The following SYNPO2 variants were observed in gnomAD, a reference collection of about 807,000 sequenced individuals.
The protein encoded by SYNPO2 is synaptopodin 2, also known as synaptopodin-2.
In SYNPO2, 56 loss-of-function variants were observed where a neutral mutation model predicts 85.0. The ratio of observed to expected loss-of-function variants is 0.66; its 90% CI spans 0.53 to 0.82. SYNPO2 has a LOEUF of 0.82. Ranked by LOEUF, SYNPO2 falls within the 40% of genes least tolerant of loss-of-function variation. SYNPO2 has a pLI of 0.00. For missense variants in SYNPO2, 1,575 were observed against 1,534.2 expected (o/e 1.03, Z -0.44); for synonymous variants, 602 against 591.1 (o/e 1.02, Z -0.27).
In SYNPO2 at chr4:119,058,852, G is replaced by T. The variant is rs936612941; in HGVS notation, c.*918G>T. The T allele has an allele frequency of 6.6e-6, 1 of 152,114 alleles. No homozygotes were observed. The highest frequency in any genetic ancestry group is 6.5e-5 in the Admixed American group (1 of 15,274). 9.4% of individuals were successfully genotyped at this position (152,114 alleles called of 1,614,324 possible). A position where few individuals can be genotyped will look rare whatever the true frequency, so the allele number is the denominator to read the frequency against. On this transcript the variant is annotated 3_prime_UTR_variant, in exon 5 of 5. Coordinates refer to ENST00000307142, the MANE Select transcript of SYNPO2 (RefSeq NM_133477.3). ...ATTAAAATGTGGGAGTTCTCAGAAA[G>T]AAATAAACACATGAGAATAAGATTA...
chr4:118,943,981 A>C (rs1297841632), intron 1 of SYNPO2, among the ~76,000 whole-genome samples: 1 of 152,192 alleles, frequency 6.6e-6, no homozygotes, highest in Non-Finnish European at 1.5e-5. Flanking sequence ...TTTGTGTACA[A>C]CCAAATTTCT....
rs912139038 is a variant in SYNPO2 at position 119,059,850 on chromosome 4, G to A, written c.*1916G>A. 1.3e-5 allele frequency: 2 copies of A among 150,726 alleles called. No homozygotes were observed. The highest frequency in any genetic ancestry group is 2.5e-5 in the African/African-American group (1 of 40,210). The allele number at this position is 150,726 out of a possible 1,614,324, so 9.3% of individuals were successfully genotyped here. ...AAAGAAACGATAAATACTTTCCAAG[G>A]TTATATTGTTAAATTATCTTAAATT... is the stretch of plus-strand genomic sequence containing the variant. On this transcript the variant is annotated 3_prime_UTR_variant, in exon 5 of 5. Coordinates refer to ENST00000307142, the MANE Select transcript of SYNPO2 (RefSeq NM_133477.3).
At chr4:118,925,234 C>T (rs1733673399) in intron 1 of SYNPO2, among the ~76,000 whole-genome samples, 1 of 152,112 alleles carries the variant, frequency 6.6e-6, no homozygotes, top group Admixed American at 6.6e-5. Flanking sequence ...ATATCCCTAA[C>T]ATAAGAGAAC....
At chr4:118,911,854 T>G (rs570507422) in intron 1 of SYNPO2, among the ~76,000 whole-genome samples, 1 of 152,192 alleles carries the variant, frequency 6.6e-6, no homozygotes, top group South Asian at 2.1e-4. Context: ...CTAAATACAA[T>G]GAACACATAG....
chr4:119,027,741 CA>C (rs1357444772), intron 3 of SYNPO2, among the ~76,000 whole-genome samples: 1 of 152,074 alleles, frequency 6.6e-6, no homozygotes, highest in Non-Finnish European at 1.5e-5. Context: ...TTGTTTCAGA[CA>C]GTTGAAATAG....
chr4:118,963,501 G>A (rs186048114), intron 1 of SYNPO2, among the ~76,000 whole-genome samples: 129 of 152,204 alleles, frequency 8.5e-4, no homozygotes, highest in Middle Eastern at 3.4e-3. Context: ...TTTAAGTCTT[G>A]CATCTTTAAC....
intron 2 of SYNPO2, 89 bp downstream of exon 2, chr4:119,023,670 T>C: frequency 1.4e-6 from 2 of 1,386,872 alleles, no homozygotes; most frequent in Non-Finnish European, 9.5e-7. Context: ...TTGTCATTTA[T>C]GGAGAAATTA....
At chr4:118,903,973 C>A (rs1191027911) in intron 1 of SYNPO2, among the ~76,000 whole-genome samples, 2 of 152,128 alleles carry the variant, frequency 1.3e-5, no homozygotes, top group East Asian at 3.9e-4. Context: ...ACCTCAGCCT[C>A]CCAAAGTGCT....
chr4:119,030,368 A>G lies in SYNPO2; in HGVS notation c.1593A>G (p.Arg531=), dbSNP rs908413891. Residue 531 remains arginine, a synonymous_variant, in exon 4 of 5, where the codon AGA becomes AGG. Coordinates refer to ENST00000307142, the MANE Select transcript of SYNPO2 (RefSeq NM_133477.3). ...ATGCTGCCCAGACCGATGGCCTGAGAACCACGACTTCTTACCAAAGAAAGG... is the reference window on the plus strand; with the variant it reads ...ATGCTGCCCAGACCGATGGCCTGAGGACCACGACTTCTTACCAAAGAAAGG... The part of the protein sequence containing the change: ...EQDAAQTDGL[R]TTTSYQRKEE... 3.1e-6 allele frequency: 5 copies of G among 1,614,028 alleles called. No homozygotes were observed. In the African/African-American group the frequency reaches 6.7e-5, roughly 22 times the overall value.
intron 1 of SYNPO2, among the ~76,000 whole-genome samples, chr4:119,013,935 T>A (rs1737426689): frequency 6.6e-6 from 1 of 152,264 alleles, no homozygotes; most frequent in African/African-American, 2.4e-5. Context: ...AACTACTGCT[T>A]GTTGAGTTCA....
At chr4:119,054,265 C>T (rs924432493) in intron 4 of SYNPO2, among the ~76,000 whole-genome samples, 1 of 152,322 alleles carries the variant, frequency 6.6e-6, no homozygotes, top group Non-Finnish European at 1.5e-5. Context: ...TTAGTTCTGC[C>T]GTCCACAGAC....
chr4:118,862,050 G>C (rs1276406721), intron 1 of SYNPO2, among the ~76,000 whole-genome samples: 3 of 152,018 alleles, frequency 2.0e-5, no homozygotes, highest in Non-Finnish European at 2.9e-5. Flanking sequence ...TCATTGTAGA[G>C]ATCTTTCACT....
chr4:118,876,614 T>G (rs545238948), intron 1 of SYNPO2, among the ~76,000 whole-genome samples: 33 of 151,226 alleles, frequency 2.2e-4, no homozygotes, highest in African/African-American at 7.8e-4. Flanking sequence ...CCCTCCCTCC[T>G]CCTTCTTTTC....
intron 1 of SYNPO2, among the ~76,000 whole-genome samples, chr4:118,949,316 GA>G (rs941097201): frequency 2.0e-5 from 3 of 152,082 alleles, no homozygotes; most frequent in Non-Finnish European, 2.9e-5. Flanking sequence ...AAGTAATAAT[GA>G]AAAAAAGTTG....
At chr4:118,870,005 G>T (rs780833013) in intron 1 of SYNPO2, among the ~76,000 whole-genome samples, 11 of 152,210 alleles carry the variant, frequency 7.2e-5, no homozygotes, top group Non-Finnish European at 1.5e-4. Flanking sequence ...CAGTATTTCA[G>T]CACGGTGTGA....
At chr4:118,855,707 A>C (rs571449471) in intron 1 of SYNPO2, among the ~76,000 whole-genome samples, 2 of 152,304 alleles carry the variant, frequency 1.3e-5, no homozygotes, top group Non-Finnish European at 2.9e-5. Context: ...GATATTAGAG[A>C]TGTTTATGAC....
chr4:118,922,639 A>C (rs1733577263), intron 1 of SYNPO2, among the ~76,000 whole-genome samples: 1 of 151,500 alleles, frequency 6.6e-6, no homozygotes, highest in African/African-American at 2.4e-5. Flanking sequence ...AGGGACACAT[A>C]TCATCTTTGT....
At chr4:118,896,371 T>C (rs571197798) in intron 1 of SYNPO2, among the ~76,000 whole-genome samples, 8 of 152,300 alleles carry the variant, frequency 5.3e-5, no homozygotes, top group Non-Finnish European at 1.0e-4. Context: ...GAAGAATATA[T>C]GGACTCCAAG....
intron 4 of SYNPO2, chr4:119,033,303 C>T (rs745919331): frequency 3.0e-6 from 3 of 985,378 alleles, no homozygotes; most frequent in Non-Finnish European, 3.6e-6. Flanking sequence ...CCTTGCAATT[C>T]TATTCTCTCA....
Sources: gnomAD v4.1 joint callset for allele counts (sites outside exome capture counted in the v4.1 genomes callset) on GRCh38, gnomAD v4.1.1 for gene constraint, MANE v1.5 for transcripts, NCBI Gene and HGNC (gene_info 2026-07-23, HGNC 2026-07-21) for gene names.